The following CDH13 variants were observed in gnomAD, a reference collection of about 807,000 sequenced individuals.
CDH13 encodes cadherin-13.
Under a neutral mutation model 63.8 loss-of-function variants are expected in CDH13, and 24 were observed. The ratio of observed to expected loss-of-function variants is 0.38; its 90% CI spans 0.27 to 0.53. The LOEUF is 0.53. CDH13 is among the 20% of genes least tolerant of loss of function. The pLI, the probability that CDH13 is intolerant of heterozygous loss-of-function variation, is 0.85. For missense variants in CDH13, 1,049 were observed against 903.1 expected (o/e 1.16, Z -2.07); for synonymous variants, 503 against 355.3 (o/e 1.42, Z -4.67).
At chr16:83,507,830 C>T (rs986901061) in intron 7 of CDH13, among the ~76,000 whole-genome samples, 2 of 142,202 alleles carry the variant, frequency 1.4e-5, no homozygotes, top group Admixed American at 7.4e-5. Flanking sequence ...CTCAGGAGTT[C>T]GATGCCAGCC....
intron 2 of CDH13, among the ~76,000 whole-genome samples, chr16:83,021,732 G>A (rs557196067): frequency 2.0e-5 from 3 of 152,306 alleles, no homozygotes; most frequent in Non-Finnish European, 4.4e-5. Flanking sequence ...ATTCTATAAA[G>A]CCTTTGGAAG....
intron 2 of CDH13, among the ~76,000 whole-genome samples, chr16:83,020,108 G>T (rs991154813): frequency 6.6e-6 from 1 of 152,108 alleles, no homozygotes; most frequent in Non-Finnish European, 1.5e-5. Flanking sequence ...TCATATATGT[G>T]TTCCTCTGTA....
At chr16:83,371,044 G>A (rs979301262) in intron 6 of CDH13, among the ~76,000 whole-genome samples, 1 of 152,186 alleles carries the variant, frequency 6.6e-6, no homozygotes, top group African/African-American at 2.4e-5. Context: ...ACAGGTGCTG[G>A]CAAGGTTGCA....
chr16:83,221,464 T>C lies in CDH13; in HGVS notation c.636+3967T>C, dbSNP rs113262911. Among the ~76,000 whole-genome samples the C allele has an allele frequency of 2.2e-4, 33 of 152,314 alleles. 1 individual carries two copies. The highest frequency in any genetic ancestry group is 7.7e-4 in the African/African-American group (32 of 41,550). The stretch of plus-strand genomic sequence containing the variant: ...GCATTTTGCCAGCATTTGAGTGATA[T>C]GTGAACTCTTCACTGGAATAAAGTA... On this transcript the variant is annotated intron_variant, in intron 5 of 13. Coordinates refer to ENST00000567109, the MANE Select transcript of CDH13 (RefSeq NM_001257.5).
At chr16:83,458,873 C>T (rs552093315) in intron 6 of CDH13, among the ~76,000 whole-genome samples, 46 of 152,308 alleles carry the variant, frequency 3.0e-4, no homozygotes, top group Non-Finnish European at 5.6e-4. Flanking sequence ...TGCAGCATTG[C>T]AGCAATGAGA....
intron 13 of CDH13, among the ~76,000 whole-genome samples, chr16:83,784,864 T>TC (rs934729558): frequency 6.6e-6 from 1 of 152,062 alleles, no homozygotes; most frequent in African/African-American, 2.4e-5. Flanking sequence ...TTTCCATCCA[T>TC]CCCTGCCTCC....
intron 6 of CDH13, among the ~76,000 whole-genome samples, chr16:83,374,953 T>A (rs2091434820): frequency 6.6e-6 from 1 of 152,216 alleles, no homozygotes; most frequent in Admixed American, 6.5e-5. Context: ...TTGAGTCAAC[T>A]TTTTGATAAC....
At chr16:83,515,153 C>G (rs1049800235) in intron 7 of CDH13, among the ~76,000 whole-genome samples, 2 of 152,102 alleles carry the variant, frequency 1.3e-5, no homozygotes, top group African/African-American at 4.8e-5. Flanking sequence ...TCTGAGCTCT[C>G]TTTTCTCCCC....
intron 5 of CDH13, among the ~76,000 whole-genome samples, chr16:83,321,499 T>G (rs1239635162): frequency 1.3e-5 from 2 of 152,012 alleles, no homozygotes; most frequent in Non-Finnish European, 2.9e-5. Flanking sequence ...CCTCATTTTT[T>G]TTTCTGGAAA....
At chr16:83,779,405 TCAAAAAAAAAAAAAAAAA>T (rs1171132715) in intron 11 of CDH13, among the ~76,000 whole-genome samples, 5 of 67,810 alleles carry the variant, frequency 7.4e-5, no homozygotes, top group Admixed American at 2.2e-4. Flanking sequence ...AGACTCCATC[TCAAAAAAAAAAAAAAAAA>T]AAAAAAAAAA....
intron 3 of CDH13, among the ~76,000 whole-genome samples, chr16:83,112,824 T>C (rs1051763637): frequency 1.3e-5 from 2 of 152,236 alleles, no homozygotes; most frequent in Admixed American, 6.5e-5. Context: ...CCGTGCAGTT[T>C]ATTTTTTAAA....
chr16:82,852,970 A>T (rs1380386949), intron 1 of CDH13, among the ~76,000 whole-genome samples: 1 of 141,356 alleles, frequency 7.1e-6, no homozygotes, highest in Non-Finnish European at 1.6e-5. Flanking sequence ...CTGTCAGGAT[A>T]AAAAAAAACC....
intron 1 of CDH13, among the ~76,000 whole-genome samples, chr16:82,645,624 G>C (rs1296939366): frequency 2.6e-5 from 4 of 152,102 alleles, no homozygotes; most frequent in African/African-American, 9.7e-5. Context: ...TGATCCAAAT[G>C]CATAGCTTCA....
chr16:83,105,401 G>A (rs2034715984), intron 3 of CDH13, among the ~76,000 whole-genome samples: 1 of 152,196 alleles, frequency 6.6e-6, no homozygotes, highest in African/African-American at 2.4e-5. Context: ...GCGCAGGGTG[G>A]CTGCACCATC....
At chr16:83,643,283 T>TAAAAA (rs1195185794) in intron 8 of CDH13, among the ~76,000 whole-genome samples, 24 of 93,852 alleles carry the variant, frequency 2.6e-4, no homozygotes, top group Admixed American at 4.9e-4. Flanking sequence ...TAGAGTATAA[T>TAAAAA]AAAAAAAAAA....
intron 5 of CDH13, among the ~76,000 whole-genome samples, chr16:83,241,753 G>A (rs28833231): frequency 0.13 from 19,831 of 152,104 alleles, 1,394 homozygotes; most frequent in Middle Eastern, 0.2. Flanking sequence ...TCCGATATAT[G>A]TCTTGCAAAG....
chr16:83,579,011 C>T (rs1274529083), intron 7 of CDH13, among the ~76,000 whole-genome samples: 1 of 152,234 alleles, frequency 6.6e-6, no homozygotes, highest in East Asian at 1.9e-4. Flanking sequence ...GCATTTTGCA[C>T]ATTTCCTCTT....
intron 4 of CDH13, among the ~76,000 whole-genome samples, chr16:83,206,102 A>G (rs4783334): frequency 0.86 from 130,941 of 152,170 alleles, 58,344 homozygotes; most frequent in East Asian, 0.97. Flanking sequence ...TGACTCATAC[A>G]TGGCCTATGG....
chr16:82,993,442 G>T (rs1911873351), intron 2 of CDH13, among the ~76,000 whole-genome samples: 1 of 152,180 alleles, frequency 6.6e-6, no homozygotes, highest in Non-Finnish European at 1.5e-5. Context: ...CAGGGTGAGA[G>T]AGGTGTGTAA....
Sources: allele counts gnomAD v4.1 joint callset (sites outside exome capture counted in the v4.1 genomes callset), GRCh38; gene constraint gnomAD v4.1.1; transcripts MANE v1.5; gene names NCBI Gene and HGNC (gene_info 2026-07-23, HGNC 2026-07-21).